The following ZNF276 variants were observed in gnomAD, a reference collection of about 807,000 sequenced individuals.
ZNF276 encodes the protein zinc finger protein 276.
Under a neutral mutation model 63.9 loss-of-function variants are expected in ZNF276, and 59 were observed. That is an observed-to-expected ratio of 0.92 (90% CI 0.75 to 1.15). ZNF276 has a LOEUF of 1.15. Among genes scored for constraint, ZNF276 ranks in the 50% most tolerant of loss-of-function variants. ZNF276 has a pLI of 0.00. For missense variants in ZNF276, 1,084 were observed against 843.8 expected, an observed-to-expected ratio of 1.28 and a Z score of -3.53; for synonymous variants, 496 against 348.4, an observed-to-expected ratio of 1.42 and a Z score of -4.72.
chr16:89,722,931 G>T, intron 2 of ZNF276, 97 bp downstream of exon 2: 2 of 1,557,600 alleles, frequency 1.3e-6, no homozygotes, highest in Non-Finnish European at 8.6e-7. Context: ...GGGAGCCTCT[G>T]GGTGGGGGGA....
At chr16:89,734,764 G>A (rs1455740276) in intron 9 of ZNF276, among the ~76,000 whole-genome samples, 1 of 152,180 alleles carries the variant, frequency 6.6e-6, no homozygotes. Context: ...AGGCGGATGG[G>A]GGAATTATGA....
chr16:89,737,468 C>G, intron 9 of ZNF276: 1 of 317,766 alleles, frequency 3.1e-6, no homozygotes, highest in East Asian at 5.2e-5. Flanking sequence ...TTGCAGTGAG[C>G]TGAGATCACG....
chr16:89,722,475 C>T, intron 1 of ZNF276, 56 bp from the exon 2 acceptor site: 2 of 1,540,786 alleles, frequency 1.3e-6, no homozygotes, highest in Non-Finnish European at 1.8e-6. Context: ...TCCGGGACGC[C>T]CTGTGCTCAG....
rs1160777230 is a variant in ZNF276, at chr16:89,733,992, C to T, written c.1428C>T (p.Phe476=). 1.2e-6 allele frequency: 2 copies of T among 1,613,982 alleles called. No homozygotes were observed. The highest frequency in any genetic ancestry group is 2.7e-5 in the African/African-American group (2 of 74,946). The change falls in exon 9 of 11, where the codon TTC becomes TTT. Residue 476 remains phenylalanine, a synonymous_variant. Transcript: ENST00000443381. The part of the protein sequence containing the change: ...PCPHPGCNKV[F]MIDRYLQRHV... Reference sequence around the variant, plus strand: ...CCCACCCTGGCTGCAACAAGGTTTTCATGATCGACCGCTACCTGCAGCGCC... The same window carrying T: ...CCCACCCTGGCTGCAACAAGGTTTTTATGATCGACCGCTACCTGCAGCGCC...
Position 89,738,878 on chromosome 16 carries a change from T to A in ZNF276, c.*632T>A. On this transcript the variant is annotated 3_prime_UTR_variant, in exon 11 of 11. Transcript: ENST00000443381. Reference sequence around the variant, plus strand: ...ATGGCCCAAGGTGGGCATCTTGACGTTACCTCTGCCACGTGTGAGAAGCTC... The same window carrying A: ...ATGGCCCAAGGTGGGCATCTTGACGATACCTCTGCCACGTGTGAGAAGCTC... The A allele has an allele frequency of 1.2e-6, 2 of 1,614,270 alleles. No homozygotes were observed. The highest frequency in any genetic ancestry group is 8.5e-7 in the Non-Finnish European group (1 of 1,180,050).
intron 6 of ZNF276, chr16:89,732,753 C>CGT (rs1479923801): frequency 4.7e-6 from 1 of 210,998 alleles, no homozygotes; most frequent in African/African-American, 2.4e-5. Flanking sequence ...CTGTACCATG[C>CGT]CCTCGCCCTC....
Position 89,740,287 on chromosome 16 carries a change from G to A in ZNF276, c.*2041G>A. On this transcript the variant is annotated 3_prime_UTR_variant, in exon 11 of 11. Coordinates refer to ENST00000443381, the MANE Select transcript of ZNF276 (RefSeq NM_001113525.2). ...CAGAAGAGGCTCAGGTAGGAGGCCAGGGACTTCGAGCACCCACACCAAGGC... is the reference window on the plus strand; with the variant it reads ...CAGAAGAGGCTCAGGTAGGAGGCCAAGGACTTCGAGCACCCACACCAAGGC... The A allele has an allele frequency of 1.6e-6, 1 of 614,168 alleles. No homozygotes were observed. Among genetic ancestry groups the A allele is most frequent in the Non-Finnish European group, 2.9e-6 (1 of 342,170 alleles). 38.0% of individuals were successfully genotyped at this position (614,168 alleles called of 1,614,324 possible).
intron 9 of ZNF276, 158 bp from the exon 10 acceptor site, chr16:89,737,636 TTAAAGATCTTAA>T (rs2061981619): frequency 7.5e-7 from 1 of 1,335,820 alleles, no homozygotes; most frequent in Non-Finnish European, 1.0e-6. Context: ...ATAAAGCAGT[TTAAAGATCTTAA>T]TAAACGAGGC....
chr16:89,729,372 C>T, intron 6 of ZNF276, 54 bp downstream of exon 6: 2 of 1,507,852 alleles, frequency 1.3e-6, no homozygotes, highest in Non-Finnish European at 9.2e-7. Flanking sequence ...ACCTAGACAC[C>T]CGCCTGTGCT....
At position 89,723,670 on chromosome 16, in the gene ZNF276, T is replaced by G; in HGVS notation, c.967T>G (p.Phe323Val). The part of the protein sequence containing the change: ...DSDAVGPRSG[F>V]PPQPSLPLCR... Reference sequence around the variant, plus strand: ...CGACGCGGTGGGGCCCAGGTCGGGCTTCCCACCTCAGCCAAGCCTGCCCCT... The same window carrying G: ...CGACGCGGTGGGGCCCAGGTCGGGCGTCCCACCTCAGCCAAGCCTGCCCCT... The change falls in exon 4 of 11, where the codon TTC (phenylalanine) becomes GTC (valine). Residue 323 changes from phenylalanine to valine, a missense_variant. Coordinates refer to ENST00000443381, the MANE Select transcript of ZNF276 (RefSeq NM_001113525.2). 1 of 1,612,062 alleles carries G rather than the reference T, an allele frequency of 6.2e-7. No homozygotes were observed. Among genetic ancestry groups the G allele is most frequent in the East Asian group, 2.2e-5 (1 of 44,854 alleles).
At position 89,733,631 on chromosome 16, in the gene ZNF276, G is replaced by A. The variant is rs927634801; in HGVS notation, c.1356+74G>A. The A allele has an allele frequency of 3.9e-6, 6 of 1,552,586 alleles. No homozygotes were observed. The Admixed American group carries it at 6.7e-5, about 17-fold the overall frequency. ...CCTGGGGGAGGTAGCAGGTGTTTCT[G>A]CAGCCTAACTCAGACTTGCGCCCAA... On this transcript the variant is annotated intron_variant, in intron 8 of 10. Coordinates refer to ENST00000443381, the MANE Select transcript of ZNF276 (RefSeq NM_001113525.2).
rs2061286226 is a variant in ZNF276 at position 89,721,757 on chromosome 16, G to A, written c.117G>A (p.Gly39=). 2.3e-6 allele frequency: 3 copies of A among 1,290,100 alleles called. No individual in the cohort carries two copies. Among genetic ancestry groups the A allele is most frequent in the African/African-American group, 3.1e-5 (2 of 64,596 alleles). The allele number at this position is 1,290,100 out of a possible 1,614,324, so 79.9% of individuals were successfully genotyped here. Residue 39 remains glycine, a synonymous_variant, in exon 1 of 11, where the codon GGG becomes GGA. Coordinates refer to ENST00000443381, the MANE Select transcript of ZNF276 (RefSeq NM_001113525.2). ...RTRGRPSLSG[G]PRVDGATARR... Reference sequence around the variant, plus strand: ...GGGGCCGCCCTTCCCTTAGCGGTGGGCCGAGGGTGGACGGGGCGACGGCGC... The same window carrying A: ...GGGGCCGCCCTTCCCTTAGCGGTGGACCGAGGGTGGACGGGGCGACGGCGC...
Position 89,738,552 on chromosome 16 carries a change from A to G in ZNF276, c.*306A>G. The G allele has an allele frequency of 6.2e-7, 1 of 1,611,844 alleles. No homozygotes were observed. The highest frequency in any genetic ancestry group is 2.2e-5 in the East Asian group (1 of 44,890). ...AACAAGAGCTCCATGTTATGCTTGT[A>G]ATAAATTATTTACACGGGAGCTGGG... is the stretch of plus-strand genomic sequence containing the variant. On this transcript the variant is annotated 3_prime_UTR_variant, in exon 11 of 11. Coordinates refer to ENST00000443381, the MANE Select transcript of ZNF276 (RefSeq NM_001113525.2).
At chr16:89,729,427 C>G (rs571421269) in intron 6 of ZNF276, 109 bp downstream of exon 6, 2 of 977,890 alleles carry the variant, frequency 2.0e-6, no homozygotes, top group South Asian at 1.4e-5. Context: ...CTCTCGTGTG[C>G]GGATCTCCCG....
Position 89,722,529 on chromosome 16 carries a change from A to G in ZNF276, c.206-2A>G. 1 of 1,610,156 alleles carries G rather than the reference A, an allele frequency of 6.2e-7. No individual in the cohort carries two copies. Among genetic ancestry groups the G allele is most frequent in the Non-Finnish European group, 8.5e-7 (1 of 1,178,614 alleles). ...GCTAACACTTCCTGCCGCTCTGTGC[A>G]GGAGCAGGCCGGGCTCTCGCCATGG... On this transcript the variant is annotated splice_acceptor_variant, in intron 1 of 10. Transcript: ENST00000443381. LOFTEE classifies it high-confidence loss of function.
rs548048967 is a variant in ZNF276, at chr16:89,723,175, C to T, written c.548C>T (p.Ala183Val). Residue 183 changes from alanine (A) to valine (V), a missense_variant, in exon 3 of 11, where the codon GCG (alanine) becomes GTG (valine). Physicochemically the swap from Ala to Val is moderately conservative, Grantham distance 64 (BLOSUM62 0). Coordinates refer to ENST00000443381, the MANE Select transcript of ZNF276 (RefSeq NM_001113525.2). ...AQPPTGAEEGACLVDLITSSP... is the reference protein window; with the variant it reads ...AQPPTGAEEGVCLVDLITSSP... ...CCCCCAACAGGGGCAGAGGAGGGAG[C>T]GTGTCTGGGTGAGTCCTCCCCCGGT... 23 of 1,613,164 alleles carry T rather than the reference C, an allele frequency of 1.4e-5. No individual in the cohort carries two copies. The South Asian group carries it at 2.4e-4, about 17-fold the overall frequency.
chr16:89,734,695 C>T (rs540740543), intron 9 of ZNF276, among the ~76,000 whole-genome samples: 8 of 152,116 alleles, frequency 5.3e-5, no homozygotes, highest in South Asian at 2.1e-4. Flanking sequence ...CGTGGACAGG[C>T]GGGAGGCACG....
chr16:89,733,030 T>TGA, intron 6 of ZNF276: 3 of 367,204 alleles, frequency 8.2e-6, no homozygotes, highest in Non-Finnish European at 1.5e-5. Flanking sequence ...GTGTTTGCCC[T>TGA]GACCCTGCTG....
rs1222276778 is a variant in ZNF276 at position 89,723,252 on chromosome 16, C to G, written c.557-8C>G. On this transcript the variant is annotated splice_polypyrimidine_tract_variant and splice_region_variant and intron_variant, in intron 3 of 10. Coordinates refer to ENST00000443381, the MANE Select transcript of ZNF276 (RefSeq NM_001113525.2). ...CGTGGATCTGACATCTCTGTTGACT[C>G]TCTGCAGTGGATCTGATCACATCCA... 1 of 1,613,228 alleles carries G rather than the reference C, an allele frequency of 6.2e-7. No homozygotes were observed. Among genetic ancestry groups the G allele is most frequent in the Non-Finnish European group, 8.5e-7 (1 of 1,180,004 alleles).
Sources: gnomAD v4.1 joint callset for allele counts (sites outside exome capture counted in the v4.1 genomes callset) on GRCh38, gnomAD v4.1.1 for gene constraint, MANE v1.5 for transcripts, NCBI Gene and HGNC (gene_info 2026-07-23, HGNC 2026-07-21) for gene names.